The following CDH12 variants were observed in gnomAD, a reference collection of about 807,000 sequenced individuals.
The protein encoded by CDH12 is cadherin-12.
In CDH12, 41 loss-of-function variants were observed where a neutral mutation model predicts 74.1. That is an observed-to-expected ratio of 0.55 (90% CI 0.43 to 0.72). CDH12 has a LOEUF of 0.72. Among genes scored for constraint, CDH12 ranks in the 30% least tolerant of loss-of-function variants. The probability of loss-of-function intolerance (pLI) is 0.00; values close to 1 mark genes in which losing one functional copy is unlikely to be tolerated. For missense variants in CDH12, 945 were observed against 977.2 expected, an observed-to-expected ratio of 0.97 and a Z score of 0.44; for synonymous variants, 399 against 355.0, an observed-to-expected ratio of 1.12 and a Z score of -1.39.
chr5:22,179,531 A>G (rs1184118396), intron 4 of CDH12, among the ~76,000 whole-genome samples: 5 of 152,208 alleles, frequency 3.3e-5, no homozygotes, highest in African/African-American at 1.2e-4. Flanking sequence ...TCTAAAATTC[A>G]GTCATTATTC....
chr5:21,837,388 A>G (rs1361681796), intron 8 of CDH12, among the ~76,000 whole-genome samples: 1 of 151,302 alleles, frequency 6.6e-6, no homozygotes, highest in Non-Finnish European at 1.5e-5. Context: ...AAAATGCTTT[A>G]CAATTAGTAA....
At chr5:22,797,561 C>T (rs1053211621) in intron 1 of CDH12, among the ~76,000 whole-genome samples, 2 of 151,992 alleles carry the variant, frequency 1.3e-5, no homozygotes, top group Non-Finnish European at 2.9e-5. Flanking sequence ...AAATAAACTC[C>T]TAAAAGCAGA....
intron 2 of CDH12, among the ~76,000 whole-genome samples, chr5:22,424,431 A>T (rs58441075): frequency 0.011 from 1,751 of 152,272 alleles, 27 homozygotes; most frequent in African/African-American, 0.04. Context: ...ACCCCTGCTG[A>T]TCGAGCTCAA....
At chr5:22,676,826 A>AG (rs144278337) in intron 1 of CDH12, among the ~76,000 whole-genome samples, 10,639 of 152,138 alleles carry the variant, frequency 0.07, 594 homozygotes, top group East Asian at 0.14. Context: ...GACTTCTTTG[A>AG]GGGGGAAAAC....
At chr5:21,981,902 G>T (rs2150127886) in intron 5 of CDH12, among the ~76,000 whole-genome samples, 1 of 152,184 alleles carries the variant, frequency 6.6e-6, no homozygotes, top group South Asian at 2.1e-4. Flanking sequence ...TCAAACTTCT[G>T]GGCTCAAGCA....
intron 1 of CDH12, among the ~76,000 whole-genome samples, chr5:22,534,192 C>A (rs78044917): frequency 6.7e-6 from 1 of 149,238 alleles, no homozygotes; most frequent in East Asian, 2.0e-4. Context: ...CTCTTTACTT[C>A]TTTTTTTTTT....
rs140334689 is a variant in CDH12, at chr5:22,571,641, T to C, written c.-522-66277A>G. Among the ~76,000 whole-genome samples the C allele has an allele frequency of 2.7e-3, 417 of 152,294 alleles. 4 individuals are homozygous for C. The highest frequency in any genetic ancestry group is 9.4e-3 in the African/African-American group (391 of 41,562). On this transcript the variant is annotated intron_variant, in intron 1 of 14. Coordinates refer to ENST00000382254, the MANE Select transcript of CDH12 (RefSeq NM_004061.5). ...CGTGCCCGGCAATCATTTCTAACTT[T>C]TCATTTAAAGTGAGAGACATGCAAC...
chr5:22,595,824 C>T (rs1283679693), intron 1 of CDH12, among the ~76,000 whole-genome samples: 2 of 152,080 alleles, frequency 1.3e-5, no homozygotes, highest in African/African-American at 4.8e-5. Flanking sequence ...CACCTGTAAT[C>T]CTAGCACTTT....
At chr5:21,883,907 AGG>A (rs1390665429) in intron 6 of CDH12, 20 of 1,608,638 alleles carry the variant, frequency 1.2e-5, no homozygotes, top group Non-Finnish European at 1.4e-5. Context: ...TTGTTTTGGG[AGG>A]GGGTTTTGCC....
Position 22,676,217 on chromosome 5 carries a change from G to T in CDH12, c.-522-170853C>A, listed in dbSNP as rs553973975. 3.8e-4 allele frequency among the ~76,000 whole-genome samples: 58 copies of T among 151,926 alleles called. 1 individual carries two copies. In the Middle Eastern group the frequency reaches 0.014, roughly 36 times the overall value. Reference sequence around the variant, plus strand: ...TTGATAAATAAGGTAATGCAATATGGCCAATAAATATTATTGAGGCAAAAG... The same window carrying T: ...TTGATAAATAAGGTAATGCAATATGTCCAATAAATATTATTGAGGCAAAAG... On this transcript the variant is annotated intron_variant, in intron 1 of 14. Coordinates refer to ENST00000382254, the MANE Select transcript of CDH12 (RefSeq NM_004061.5).
chr5:22,821,694 A>C (rs1401767476), intron 1 of CDH12, among the ~76,000 whole-genome samples: 1 of 151,926 alleles, frequency 6.6e-6, no homozygotes, highest in African/African-American at 2.4e-5. Context: ...GGACCTCTTC[A>C]AGGAGAACTA....
At chr5:22,762,721 A>T (rs1457127052) in intron 1 of CDH12, among the ~76,000 whole-genome samples, 4 of 152,108 alleles carry the variant, frequency 2.6e-5, no homozygotes, top group African/African-American at 9.6e-5. Flanking sequence ...TGTTTGCGTC[A>T]GGAAATTCCT....
At chr5:22,847,112 T>C (rs1033998440) in intron 1 of CDH12, among the ~76,000 whole-genome samples, 2 of 152,188 alleles carry the variant, frequency 1.3e-5, no homozygotes, top group Non-Finnish European at 2.9e-5. Context: ...CTTCTTCTAG[T>C]AGGTGTTAAA....
chr5:21,829,449 C>T (rs1009825506), intron 8 of CDH12, among the ~76,000 whole-genome samples: 8 of 152,090 alleles, frequency 5.3e-5, no homozygotes, highest in Admixed American at 2.0e-4. Context: ...TTGCAATGAA[C>T]GAAACATTAT....
At chr5:22,848,580 G>T (rs999515885) in intron 1 of CDH12, among the ~76,000 whole-genome samples, 8 of 152,032 alleles carry the variant, frequency 5.3e-5, no homozygotes, top group African/African-American at 1.9e-4. Flanking sequence ...GTCCTTCTTG[G>T]ATCTCAGATC....
chr5:21,984,383 G>A (rs1051587266), intron 5 of CDH12, among the ~76,000 whole-genome samples: 3 of 152,110 alleles, frequency 2.0e-5, no homozygotes, highest in African/African-American at 4.8e-5. Context: ...GAGAAATTCT[G>A]TATATAGAAT....
At chr5:21,800,424 G>T (rs376965737) in intron 10 of CDH12, among the ~76,000 whole-genome samples, 1 of 152,122 alleles carries the variant, frequency 6.6e-6, no homozygotes, top group African/African-American at 2.4e-5. Context: ...AGTATTAAAA[G>T]ATGGGGCATT....
At chr5:21,914,031 C>G (rs552387317) in intron 6 of CDH12, among the ~76,000 whole-genome samples, 2 of 152,066 alleles carry the variant, frequency 1.3e-5, no homozygotes, top group Non-Finnish European at 2.9e-5. Flanking sequence ...CATATTGGTC[C>G]TTTTGATGCC....
intron 1 of CDH12, among the ~76,000 whole-genome samples, chr5:22,761,898 T>C (rs1746246923): frequency 6.6e-6 from 1 of 151,760 alleles, no homozygotes; most frequent in Non-Finnish European, 1.5e-5. Flanking sequence ...TGTACTTTAA[T>C]CTTCTACAAA....
Sources: gnomAD v4.1 joint callset for allele counts (sites outside exome capture counted in the v4.1 genomes callset) on GRCh38, gnomAD v4.1.1 for gene constraint, MANE v1.5 for transcripts, NCBI Gene and HGNC (gene_info 2026-07-23, HGNC 2026-07-21) for gene names.